SIPA1L2: variants seen among roughly 807,000 people sequenced by gnomAD.
The protein encoded by SIPA1L2 is signal induced proliferation associated 1 like 2.
Under a neutral mutation model 163.9 loss-of-function variants are expected in SIPA1L2, and 56 were observed. That is an observed-to-expected ratio of 0.34 (90% CI 0.28 to 0.43). The LOEUF (loss-of-function observed/expected upper bound fraction) is 0.43, where lower values mean the gene tolerates loss of function less well. Among genes scored for constraint, SIPA1L2 ranks in the 20% least tolerant of loss-of-function variants. The pLI is 1.00. For synonymous variants in SIPA1L2, 877 were observed against 865.7 expected (o/e 1.01, Z -0.23); for missense variants, 1,974 against 2,193.5 (o/e 0.90, Z 2.00).
chr1:232,539,130 A>G (rs1657487860), intron 2 of SIPA1L2, among the ~76,000 whole-genome samples: 1 of 152,194 alleles, frequency 6.6e-6, no homozygotes, highest in Non-Finnish European at 1.5e-5. Context: ...TCGGTTCACA[A>G]TCTCCAGCCT....
intron 1 of SIPA1L2, among the ~76,000 whole-genome samples, chr1:232,609,269 A>C (rs1238670994): frequency 6.6e-6 from 1 of 152,204 alleles, no homozygotes; most frequent in Non-Finnish European, 1.5e-5. Context: ...TTACTTAATA[A>C]AATAAACGGT....
In SIPA1L2 at chr1:232,493,578, C is replaced by G. The variant is rs1342960246; in HGVS notation, c.1566G>C (p.Lys522Asn). 1 of 1,614,124 alleles carries G rather than the reference C, an allele frequency of 6.2e-7. No individual in the cohort carries two copies. Among genetic ancestry groups the G allele is most frequent in the Non-Finnish European group, 8.5e-7 (1 of 1,180,022 alleles). Residue 522 changes from lysine (K) to asparagine (N), a missense_variant, in exon 4 of 23, where the codon AAG becomes AAC. Physicochemically the swap from Lys to Asn is moderately conservative, Grantham distance 94 (BLOSUM62 0). Transcript: ENST00000674635. Reference sequence around the variant, plus strand: ...AGTTGAACTGGGATCCTTCTTTCTCCTTGGCATCTTCCACCTTCTCTCTCC... The same window carrying G: ...AGTTGAACTGGGATCCTTCTTTCTCGTTGGCATCTTCCACCTTCTCTCTCC... ...SIRREKVEDA[K>N]EKEGSQFNYR... is the part of the protein sequence containing the mutation.
At chr1:232,403,395 G>C in intron 21 of SIPA1L2, 53 bp downstream of exon 21, 1 of 1,587,574 alleles carries the variant, frequency 6.3e-7, no homozygotes, top group Non-Finnish European at 8.6e-7. Flanking sequence ...GCCGAATCTT[G>C]GCTAATCATG....
chr1:232,536,441 C>T (rs767675497), intron 2 of SIPA1L2, among the ~76,000 whole-genome samples: 2 of 152,190 alleles, frequency 1.3e-5, no homozygotes, highest in African/African-American at 2.4e-5. Context: ...ACCAACCACT[C>T]TCCTGGCCTC....
intron 2 of SIPA1L2, among the ~76,000 whole-genome samples, chr1:232,564,098 G>A (rs1246797061): frequency 9.2e-5 from 11 of 119,456 alleles, no homozygotes; most frequent in African/African-American, 4.4e-4. Flanking sequence ...GCCAAGGAAG[G>A]TTTCATCATG....
chr1:232,474,764 T>C (rs1439491509), intron 7 of SIPA1L2, among the ~76,000 whole-genome samples: 1 of 151,666 alleles, frequency 6.6e-6, no homozygotes, highest in Non-Finnish European at 1.5e-5. Context: ...AAAAAAAAAT[T>C]TTAACGAGAG....
chr1:232,430,933 G>T (rs748269865), intron 16 of SIPA1L2, among the ~76,000 whole-genome samples: 1 of 152,074 alleles, frequency 6.6e-6, no homozygotes, highest in Admixed American at 6.5e-5. Flanking sequence ...CACAACCTGC[G>T]ACTCAAGAGA....
At chr1:232,472,496 C>G (rs1023863987) in intron 7 of SIPA1L2, among the ~76,000 whole-genome samples, 15 of 152,350 alleles carry the variant, frequency 9.8e-5, no homozygotes, top group Admixed American at 3.9e-4. Context: ...ACTGACACAT[C>G]ACATTATGCA....
At chr1:232,452,109 C>T (rs1663618749) in intron 10 of SIPA1L2, among the ~76,000 whole-genome samples, 1 of 150,894 alleles carries the variant, frequency 6.6e-6, no homozygotes, top group Non-Finnish European at 1.5e-5. Flanking sequence ...ATTCTAAAAA[C>T]AGTATTACTT....
intron 1 of SIPA1L2, among the ~76,000 whole-genome samples, chr1:232,584,357 T>A (rs779651011): frequency 5.3e-5 from 8 of 152,206 alleles, no homozygotes; most frequent in Non-Finnish European, 1.2e-4. Context: ...CCCGAGTAGA[T>A]GAGACTACAG....
intron 2 of SIPA1L2, among the ~76,000 whole-genome samples, chr1:232,518,992 A>C (rs1573017415): frequency 6.2e-5 from 1 of 16,220 alleles, no homozygotes. Context: ...GTTTCATTTG[A>C]TATAACTTTG....
rs141350497 is a variant in SIPA1L2 at position 232,603,655 on chromosome 1, C to CAG, written c.-319+26212_-319+26213dup. ...AGACTGGGGCAGCACCAGCAGGGTT[C>CAG]AGAGGTGTGGGAGAGCTGGGGGATG... On this transcript the variant is annotated intron_variant, in intron 1 of 22. Coordinates refer to ENST00000674635, the MANE Select transcript of SIPA1L2 (RefSeq NM_020808.5). Among the ~76,000 whole-genome samples, 791 of 152,116 alleles carry CAG rather than the reference C, an allele frequency of 5.2e-3. 6 individuals are homozygous for CAG. Among genetic ancestry groups the CAG allele is most frequent in the African/African-American group, 0.018 (763 of 41,496 alleles).
intron 1 of SIPA1L2, among the ~76,000 whole-genome samples, chr1:232,597,717 T>TAAAAAA (rs1553320941): frequency 1.2e-4 from 11 of 94,980 alleles, no homozygotes; most frequent in African/African-American, 4.3e-4. Context: ...AAAAAAAAAG[T>TAAAAAA]AACAAGATTT....
At chr1:232,517,063 T>G (rs1667248878) in intron 2 of SIPA1L2, among the ~76,000 whole-genome samples, 1 of 152,188 alleles carries the variant, frequency 6.6e-6, no homozygotes, top group Admixed American at 6.5e-5. Context: ...GTTTTCTATT[T>G]CCAGGGGTCT....
chr1:232,425,774 G>A lies in SIPA1L2; in HGVS notation c.4445C>T (p.Ser1482Leu), dbSNP rs184013125. The A allele has an allele frequency of 7.4e-3, 11,978 of 1,613,990 alleles. 48 individuals carry two copies. The highest frequency in any genetic ancestry group is 9.0e-3 in the Non-Finnish European group (10,654 of 1,179,954). Reference sequence around the variant, plus strand: ...CTCGTCAGACAGCGTGCGGTAAAGCGACCTCCTTGGAGACAGGTTCCCATA... The same window carrying A: ...CTCGTCAGACAGCGTGCGGTAAAGCAACCTCCTTGGAGACAGGTTCCCATA... ...SFYGNLSPRR[S>L]LYRTLSDESI... Residue 1482 changes from serine to leucine, a missense_variant, in exon 18 of 23, where the codon TCG becomes TTG. By Grantham distance (145) the Ser-to-Leu change is moderately radical. This residue lies in a region of SIPA1L2 where 1,079 missense variants were observed against 1,150.7 expected (regional missense o/e 0.94). Coordinates refer to ENST00000674635, the MANE Select transcript of SIPA1L2 (RefSeq NM_020808.5).
chr1:232,555,625 T>C (rs1658655609), intron 2 of SIPA1L2, among the ~76,000 whole-genome samples: 1 of 152,120 alleles, frequency 6.6e-6, no homozygotes, highest in South Asian at 2.1e-4. Context: ...ATCTAATAAT[T>C]AGCATATGTA....
chr1:232,588,272 T>C (rs1329829326), intron 1 of SIPA1L2, among the ~76,000 whole-genome samples: 1 of 152,198 alleles, frequency 6.6e-6, no homozygotes, highest in Non-Finnish European at 1.5e-5. Flanking sequence ...ACAATGGTTA[T>C]TCCGACAAGG....
At chr1:232,589,900 G>A (rs1660875335) in intron 1 of SIPA1L2, among the ~76,000 whole-genome samples, 2 of 152,180 alleles carry the variant, frequency 1.3e-5, no homozygotes, top group African/African-American at 4.8e-5. Context: ...TTTCAGGAAA[G>A]GAAACACAAC....
At chr1:232,455,462 A>C (rs1319162066) in intron 10 of SIPA1L2, among the ~76,000 whole-genome samples, 1 of 152,142 alleles carries the variant, frequency 6.6e-6, no homozygotes, top group African/African-American at 2.4e-5. Context: ...TGGGAGGATC[A>C]CGAGGTCAGG....
Sources: allele counts gnomAD v4.1 joint callset (sites outside exome capture counted in the v4.1 genomes callset), GRCh38; gene constraint gnomAD v4.1.1; regional missense constraint gnomAD v4.1.1; transcripts MANE v1.5; gene names NCBI Gene and HGNC (gene_info 2026-07-23, HGNC 2026-07-21).